The following TMEM74 variants were observed in gnomAD, a reference collection of about 807,000 sequenced individuals.
TMEM74 encodes the protein transmembrane protein 74.
A neutral mutation model predicts 18.1 loss-of-function variants in TMEM74; 13 were observed. That is an observed-to-expected ratio of 0.72 (90% confidence interval 0.47 to 1.14). The LOEUF (loss-of-function observed/expected upper bound fraction) is 1.14, where lower values mean the gene tolerates loss of function less well. Among genes scored for constraint, TMEM74 ranks in the 50% most tolerant of loss-of-function variants. The probability of loss-of-function intolerance (pLI) is 0.00; values close to 1 mark genes in which losing one functional copy is unlikely to be tolerated. For synonymous variants in TMEM74, 159 were observed against 146.6 expected (o/e 1.08, Z -0.61); for missense variants, 372 against 375.9 (o/e 0.99, Z 0.09).
chr8:108,730,093 C>T (rs1813678652), intron 1 of TMEM74, among the ~76,000 whole-genome samples: 1 of 152,192 alleles, frequency 6.6e-6, no homozygotes, highest in African/African-American at 2.4e-5. Flanking sequence ...GTGGGCATTG[C>T]CTTTTGACTA....
intron 1 of TMEM74, among the ~76,000 whole-genome samples, chr8:108,720,371 GA>G (rs1813573897): frequency 6.6e-6 from 1 of 152,158 alleles, no homozygotes; most frequent in Non-Finnish European, 1.5e-5. Flanking sequence ...AGTATTGTGG[GA>G]AATGGTTAAA....
intron 1 of TMEM74, among the ~76,000 whole-genome samples, chr8:108,747,757 C>G (rs180908895): frequency 1.5e-3 from 223 of 150,558 alleles, no homozygotes; most frequent in African/African-American, 5.3e-3. Context: ...TTGTTTCCCC[C>G]CTGTGTTCAT....
chr8:108,781,467 C>T lies in TMEM74; in HGVS notation c.*2714G>A, dbSNP rs867582798. 6.6e-6 allele frequency among the ~76,000 whole-genome samples: 1 copy of T among 152,078 alleles called. No individual in the cohort carries two copies. On this transcript the variant is annotated 3_prime_UTR_variant, in exon 2 of 2. Transcript: ENST00000297459. ...ATTCAAGTAATCTTCATATTGAATT[C>T]AGGCAGGATGGATAAGGGCTACATA...
chr8:108,726,664 T>A (rs2130635525), intron 1 of TMEM74, among the ~76,000 whole-genome samples: 1 of 152,154 alleles, frequency 6.6e-6, no homozygotes, highest in East Asian at 1.9e-4. Flanking sequence ...TGAACATACA[T>A]TTTATTCATT....
At chr8:108,612,544 T>G (rs7843494) in intron 2 of TMEM74, among the ~76,000 whole-genome samples, 3,269 of 152,298 alleles carry the variant, frequency 0.021, 118 homozygotes, top group African/African-American at 0.075. Context: ...GGCTCTGGAA[T>G]GTTCTACAAG....
chr8:108,704,552 ATTATC>A (rs79349753), intron 1 of TMEM74, among the ~76,000 whole-genome samples: 30,297 of 152,070 alleles, frequency 0.2, 3,091 homozygotes, highest in East Asian at 0.29. Flanking sequence ...CAGATCTACC[ATTATC>A]TTATCTTCCA....
chr8:108,652,051 A>G (rs1812779897), intron 2 of TMEM74, among the ~76,000 whole-genome samples: 2 of 152,050 alleles, frequency 1.3e-5, no homozygotes, highest in African/African-American at 4.8e-5. Flanking sequence ...CTTGACTTCT[A>G]TGAACAGTTG....
Position 108,785,087 on chromosome 8 carries a change from G to A in TMEM74, c.12C>T (p.His4=), listed in dbSNP as rs74818930. The A allele has an allele frequency of 3.7e-3, 5,924 of 1,599,190 alleles. 189 individuals are homozygous for A. In the African/African-American group the frequency reaches 0.07, roughly 19 times the overall value. ...CCTGGTTGCTCTTCTTAGCAAGGTA[G>A]TGGAGCTCCATGAGAGCTAGTCAGA... The part of the protein sequence containing the change: MEL[H]YLAKKSNQAD... The change falls in exon 2 of 2, where the codon CAC becomes CAT. Residue 4 remains histidine, a synonymous_variant. Coordinates refer to ENST00000297459, the MANE Select transcript of TMEM74 (RefSeq NM_153015.3).
intron 2 of TMEM74, among the ~76,000 whole-genome samples, chr8:108,621,223 G>A (rs1461578405): frequency 6.6e-6 from 1 of 152,156 alleles, no homozygotes; most frequent in Admixed American, 6.5e-5. Flanking sequence ...AATACATGGT[G>A]CTTAAATGAA....
rs76365724 is a variant in TMEM74, at chr8:108,649,383, G to A, written n.264+5910C>T. Among the ~76,000 whole-genome samples, 1,235 of 152,168 alleles carry A rather than the reference G, an allele frequency of 8.1e-3. 19 individuals are homozygous for A. Among genetic ancestry groups the A allele is most frequent in the African/African-American group, 0.026 (1,088 of 41,528 alleles). On this transcript the variant is annotated intron_variant and non_coding_transcript_variant, in intron 2 of 3. Transcript: ENST00000518838. Reference sequence around the variant, plus strand: ...AAAAGAGATGAGGGAAAACTAGATGGCAAATAAAAAGTAGGAAAGACAGTA... The same window carrying A: ...AAAAGAGATGAGGGAAAACTAGATGACAAATAAAAAGTAGGAAAGACAGTA...
At chr8:108,742,194 G>A (rs1012674177) in intron 1 of TMEM74, among the ~76,000 whole-genome samples, 1 of 152,234 alleles carries the variant, frequency 6.6e-6, no homozygotes, top group East Asian at 1.9e-4. Flanking sequence ...TATTGGGTAC[G>A]AGGCTTAGTA....
chr8:108,636,045 G>A lies in TMEM74; in HGVS notation n.264+19248C>T, dbSNP rs148468451. 2.4e-3 allele frequency among the ~76,000 whole-genome samples: 359 copies of A among 152,068 alleles called. 1 individual carries two copies. Among genetic ancestry groups the A allele is most frequent in the African/African-American group, 8.3e-3 (344 of 41,498 alleles). Reference sequence around the variant, plus strand: ...ACATTATCTTTAAACCAGAAAGTCCGGTAGACATTTAATTACTTTATATTC... The same window carrying A: ...ACATTATCTTTAAACCAGAAAGTCCAGTAGACATTTAATTACTTTATATTC... On this transcript the variant is annotated intron_variant and non_coding_transcript_variant, in intron 2 of 3. Coordinates refer to the TMEM74 transcript ENST00000518838.
intron 1 of TMEM74, among the ~76,000 whole-genome samples, chr8:108,731,303 T>C (rs572441437): frequency 6.6e-6 from 1 of 152,212 alleles, no homozygotes; most frequent in South Asian, 2.1e-4. Flanking sequence ...AAAAGATGAT[T>C]AGAAATTTCT....
At chr8:108,777,830 G>T (rs1339435572), downstream of TMEM74, among the ~76,000 whole-genome samples, 2 of 152,048 alleles carry the variant, frequency 1.3e-5, no homozygotes, top group African/African-American at 2.4e-5. Flanking sequence ...AATGAGGTGA[G>T]GTATAAATTA....
At chr8:108,731,535 G>T (rs1364250303) in intron 1 of TMEM74, among the ~76,000 whole-genome samples, 1 of 152,058 alleles carries the variant, frequency 6.6e-6, no homozygotes, top group East Asian at 1.9e-4. Context: ...TTCTTCCGTA[G>T]GACACACTAA....
rs188115703 is a variant in TMEM74, at chr8:108,688,875, A to G, written n.120-33438T>C. Among the ~76,000 whole-genome samples, 3 of 152,338 alleles carry G rather than the reference A, an allele frequency of 2.0e-5. No individual in the cohort carries two copies. The East Asian group carries it at 5.8e-4, about 29-fold the overall frequency. ...CATTGCAATCTATTGTAGGCTCTAA[A>G]GGCATTGAATATCTAAAAGCAAACT... On this transcript the variant is annotated intron_variant and non_coding_transcript_variant, in intron 1 of 3. Coordinates refer to the TMEM74 transcript ENST00000518838.
At chr8:108,691,451 A>G (rs1238607793) in intron 1 of TMEM74, among the ~76,000 whole-genome samples, 1 of 152,232 alleles carries the variant, frequency 6.6e-6, no homozygotes, top group Non-Finnish European at 1.5e-5. Context: ...CAGCATTCCC[A>G]TAGAGTTGAA....
chr8:108,758,431 C>T (rs1814002895), intron 1 of TMEM74, among the ~76,000 whole-genome samples: 1 of 151,988 alleles, frequency 6.6e-6, no homozygotes, highest in Non-Finnish European at 1.5e-5. Context: ...AAAGCCAATT[C>T]ACAAAACAGG....
At chr8:108,621,560 C>T (rs1318964952) in intron 2 of TMEM74, among the ~76,000 whole-genome samples, 6 of 152,190 alleles carry the variant, frequency 3.9e-5, no homozygotes, top group South Asian at 4.2e-4. Context: ...GTATCAGCTG[C>T]GTCTGTTACA....
Sources: gnomAD v4.1 joint callset for allele counts (sites outside exome capture counted in the v4.1 genomes callset) on GRCh38, gnomAD v4.1.1 for gene constraint, MANE v1.5 for transcripts, NCBI Gene and HGNC (gene_info 2026-07-23, HGNC 2026-07-21) for gene names.